The following TLN2 variants were observed in gnomAD, a reference collection of about 807,000 sequenced individuals.
TLN2 encodes the protein talin 2.
In TLN2, 118 loss-of-function variants were observed where a neutral mutation model predicts 294.7. That is an observed-to-expected ratio of 0.40 (90% CI 0.34 to 0.47). The LOEUF is 0.47. Among genes scored for constraint, TLN2 ranks in the 20% least tolerant of loss-of-function variants. TLN2 has a pLI of 0.84. For missense variants in TLN2, 3,083 were observed against 3,282.2 expected (o/e 0.94, Z 1.48); for synonymous variants, 1,431 against 1,304.5 (o/e 1.10, Z -2.09).
intron 1 of TLN2, among the ~76,000 whole-genome samples, chr15:62,573,127 C>G (rs1156382835): frequency 6.6e-6 from 1 of 152,216 alleles, no homozygotes; most frequent in African/African-American, 2.4e-5. Flanking sequence ...ATAACCACAT[C>G]CTGAGCCAGG....
intron 11 of TLN2, among the ~76,000 whole-genome samples, chr15:62,678,303 T>G (rs2056457280): frequency 6.6e-6 from 1 of 152,184 alleles, no homozygotes; most frequent in Non-Finnish European, 1.5e-5. Flanking sequence ...GCTAAAAAAT[T>G]CAGGAATGAG....
chr15:62,613,782 A>G (rs1258942684), intron 2 of TLN2, among the ~76,000 whole-genome samples: 1 of 152,074 alleles, frequency 6.6e-6, no homozygotes, highest in Non-Finnish European at 1.5e-5. Flanking sequence ...GACAAAGACA[A>G]ATGATCTCTC....
chr15:62,680,231 T>C (rs1052137427), intron 11 of TLN2, among the ~76,000 whole-genome samples: 3 of 152,216 alleles, frequency 2.0e-5, no homozygotes, highest in African/African-American at 7.2e-5. Context: ...TTGATAGTAA[T>C]TGCATGAAAT....
chr15:62,797,955 T>G (rs959191018), intron 48 of TLN2, among the ~76,000 whole-genome samples: 1 of 152,066 alleles, frequency 6.6e-6, no homozygotes, highest in Admixed American at 6.5e-5. Flanking sequence ...AGGACCACTT[T>G]ACCGTGCAAG....
At chr15:62,443,740 G>A (rs1276684172) in intron 1 of TLN2, among the ~76,000 whole-genome samples, 1 of 152,188 alleles carries the variant, frequency 6.6e-6, no homozygotes, top group Non-Finnish European at 1.5e-5. Context: ...AGTGGTTCAT[G>A]CTTATAATCC....
intron 32 of TLN2, among the ~76,000 whole-genome samples, chr15:62,743,428 G>A (rs1364912410): frequency 6.6e-6 from 1 of 152,128 alleles, no homozygotes; most frequent in East Asian, 1.9e-4. Context: ...AGTAGAGGAT[G>A]TCTTTTTCCT....
At chr15:62,537,224 T>C (rs1335336299) in intron 1 of TLN2, among the ~76,000 whole-genome samples, 4 of 152,098 alleles carry the variant, frequency 2.6e-5, no homozygotes, top group Admixed American at 2.6e-4. Flanking sequence ...TTCGCCGTGT[T>C]AGCCAGGATG....
intron 11 of TLN2, among the ~76,000 whole-genome samples, chr15:62,681,023 T>C (rs2056783212): frequency 6.6e-6 from 1 of 152,222 alleles, no homozygotes; most frequent in African/African-American, 2.4e-5. Context: ...CAGTTGTCAA[T>C]TGTGCTGCTA....
intron 1 of TLN2, among the ~76,000 whole-genome samples, chr15:62,458,251 C>G (rs2036592453): frequency 6.6e-6 from 1 of 152,134 alleles, no homozygotes; most frequent in Non-Finnish European, 1.5e-5. Flanking sequence ...TTTCCAGTGT[C>G]TCTCCATGCT....
chr15:62,540,640 AAGTCCAGCAT>A (rs2041626927), intron 1 of TLN2, among the ~76,000 whole-genome samples: 1 of 152,106 alleles, frequency 6.6e-6, no homozygotes, highest in Non-Finnish European at 1.5e-5. Flanking sequence ...GAACTCTGAG[AAGTCCAGCAT>A]AGTGGGAGTT....
intron 46 of TLN2, among the ~76,000 whole-genome samples, 176 bp downstream of exon 46, chr15:62,792,963 T>C (rs1302377142): frequency 4.6e-5 from 7 of 152,186 alleles, no homozygotes; most frequent in African/African-American, 9.7e-5. Flanking sequence ...ATCAGGGAGC[T>C]GGGGTGATCA....
chr15:62,750,121 C>T (rs1328826322), intron 33 of TLN2, among the ~76,000 whole-genome samples: 1 of 152,196 alleles, frequency 6.6e-6, no homozygotes, highest in Non-Finnish European at 1.5e-5. Context: ...AAATGCCATC[C>T]TTCTGTGTTT....
rs1319847890 is a variant in TLN2 at position 62,780,991 on chromosome 15, T to G, written c.5515-149T>G. On this transcript the variant is annotated intron_variant, in intron 43 of 58. Coordinates refer to ENST00000636159, the MANE Select transcript of TLN2 (RefSeq NM_015059.3). ...CTTATGTGCCCTTCTGTTGAAGTCCTTATTGCACAAGTTGGGTAATTGAGT... is the reference window on the plus strand; with the variant it reads ...CTTATGTGCCCTTCTGTTGAAGTCCGTATTGCACAAGTTGGGTAATTGAGT... 6.4e-6 allele frequency: 4 copies of G among 620,478 alleles called. No individual in the cohort carries two copies. The East Asian group carries it at 1.1e-4, about 17-fold the overall frequency. The allele number at this position is 620,478 out of a possible 1,614,324, so 38.4% of individuals were successfully genotyped here.
At chr15:62,392,029 G>C (rs1033812296) in intron 1 of TLN2, among the ~76,000 whole-genome samples, 30 of 152,280 alleles carry the variant, frequency 2.0e-4, no homozygotes, top group African/African-American at 7.0e-4. Flanking sequence ...ATCAGGACCA[G>C]GGCCTGGCCT....
rs747372087 is a variant in TLN2 at position 62,763,664 on chromosome 15, G to T, written c.5063G>T (p.Ser1688Ile). The T allele has an allele frequency of 6.2e-7, 1 of 1,612,386 alleles. No homozygotes were observed. The highest frequency in any genetic ancestry group is 8.5e-7 in the Non-Finnish European group (1 of 1,179,474). Residue 1688 changes from serine to isoleucine, a missense_variant, in exon 40 of 59, where the codon AGC (serine) becomes ATC (isoleucine). Coordinates refer to ENST00000636159, the MANE Select transcript of TLN2 (RefSeq NM_015059.3). ...EQASLAAVSQ[S>I]LATRDDISVE... ...GCCTCGCTGGCCGCCGTCAGCCAGA[G>T]CCTGGCCACGAGGGACGACATCTCT... is the stretch of plus-strand genomic sequence containing the variant.
intron 1 of TLN2, among the ~76,000 whole-genome samples, chr15:62,553,937 CTT>C (rs145432218): frequency 3.2e-4 from 44 of 138,198 alleles, no homozygotes; most frequent in East Asian, 4.2e-4. Flanking sequence ...TTAATCTAAT[CTT>C]TTTTTTTTTT....
intron 1 of TLN2, among the ~76,000 whole-genome samples, chr15:62,479,285 T>C (rs2037952593): frequency 6.6e-6 from 1 of 152,192 alleles, no homozygotes; most frequent in Admixed American, 6.5e-5. Flanking sequence ...TCTGGGCTTA[T>C]TTCCTCAACA....
chr15:62,682,526 T>C (rs1177491680), intron 11 of TLN2, among the ~76,000 whole-genome samples: 1 of 152,186 alleles, frequency 6.6e-6, no homozygotes, highest in Admixed American at 6.5e-5. Flanking sequence ...TGCCACTTAG[T>C]AGTTTGATCT....
intron 12 of TLN2, among the ~76,000 whole-genome samples, chr15:62,688,623 A>G (rs2057500245): frequency 6.6e-6 from 1 of 152,072 alleles, no homozygotes; most frequent in South Asian, 2.1e-4. Flanking sequence ...AACAGTAATT[A>G]TGGATTTTTC....
Sources: allele counts gnomAD v4.1 joint callset (sites outside exome capture counted in the v4.1 genomes callset), GRCh38; gene constraint gnomAD v4.1.1; transcripts MANE v1.5; gene names NCBI Gene and HGNC (gene_info 2026-07-23, HGNC 2026-07-21).